The following TRMT9B variants were observed in gnomAD, a reference collection of about 807,000 sequenced individuals.
TRMT9B encodes probable tRNA methyltransferase 9B.
In TRMT9B, 16 loss-of-function variants were observed where a neutral mutation model predicts 11.5. The observed-to-expected ratio is 1.39, with a 90% CI of 0.94 to 2.11. The LOEUF is 2.11. Among genes scored for constraint, TRMT9B ranks in the 30% most tolerant of loss-of-function variants. The pLI is 0.00. For missense variants in TRMT9B, 941 were observed against 553.8 expected (o/e 1.70, Z -7.02); for synonymous variants, 274 against 192.4 (o/e 1.42, Z -3.51).
In TRMT9B at chr8:13,022,289, A is replaced by C. The variant is rs1182429884; in HGVS notation, c.*245A>C. 4.7e-6 allele frequency: 2 copies of C among 426,384 alleles called. No homozygotes were observed. Among genetic ancestry groups the C allele is most frequent in the Admixed American group, 4.1e-5 (1 of 24,114 alleles). The allele number at this position is 426,384 out of a possible 1,614,324, so 26.4% of individuals were successfully genotyped here. ...TATACAAGATCTGAAGAAGCAACAG[A>C]AAGTACCCTTCAGTACACCTCAGAC... On this transcript the variant is annotated 3_prime_UTR_variant, in exon 5 of 5. Coordinates refer to ENST00000524591, the MANE Select transcript of TRMT9B (RefSeq NM_020844.3).
chr8:13,011,784 C>G (rs1277305151), intron 3 of TRMT9B: 1 of 953,332 alleles, frequency 1.0e-6, no homozygotes, highest in Non-Finnish European at 1.2e-6. Context: ...GAGTTGTATA[C>G]TGGACCCATA....
chr8:13,025,576 C>G lies in TRMT9B; in HGVS notation c.*3532C>G, dbSNP rs1034238485. The G allele has an allele frequency of 2.4e-5, 4 of 167,040 alleles. No individual in the cohort carries two copies. Among genetic ancestry groups the G allele is most frequent in the African/African-American group, 9.7e-5 (4 of 41,442 alleles). 10.3% of individuals were successfully genotyped at this position (167,040 alleles called of 1,614,324 possible). ...CTCACTGTCTATTTGAGGAATTCCA[C>G]AGAATCTTCAAAGGATTTGGGGGAA... On this transcript the variant is annotated 3_prime_UTR_variant, in exon 5 of 5. Coordinates refer to ENST00000524591, the MANE Select transcript of TRMT9B (RefSeq NM_020844.3).
At chr8:12,991,289 TA>T (rs1277443985) in intron 2 of TRMT9B, among the ~76,000 whole-genome samples, 2 of 152,228 alleles carry the variant, frequency 1.3e-5, no homozygotes, top group African/African-American at 4.8e-5. Flanking sequence ...AACATATTTT[TA>T]AATGAGATTT....
chr8:13,002,798 G>C (rs576873374), intron 2 of TRMT9B, among the ~76,000 whole-genome samples: 1 of 152,128 alleles, frequency 6.6e-6, no homozygotes, highest in African/African-American at 2.4e-5. Context: ...TCCATACAGG[G>C]AAGACACCGT....
chr8:13,012,276 TAA>T (rs748312519), intron 3 of TRMT9B: 5,514 of 896,040 alleles, frequency 6.2e-3, no homozygotes, highest in Non-Finnish European at 6.6e-3. Flanking sequence ...CTTGGTTAGT[TAA>T]AAAAAAAAAA....
chr8:13,027,134 T>A lies in TRMT9B; in HGVS notation c.*5090T>A, dbSNP rs1814781119. 6.0e-6 allele frequency: 1 copy of A among 167,056 alleles called. No individual in the cohort carries two copies. Among genetic ancestry groups the A allele is most frequent in the Admixed American group, 6.5e-5 (1 of 15,284 alleles). 10.3% of individuals were successfully genotyped at this position (167,056 alleles called of 1,614,324 possible). A position where few individuals can be genotyped will look rare whatever the true frequency, so the allele number is the denominator to read the frequency against. ...TCAGATATTTCATTCACTCCATTTG[T>A]TTACTAAGCCCTGCTGTGTGCTGGA... On this transcript the variant is annotated 3_prime_UTR_variant, in exon 5 of 5. Transcript: ENST00000524591.
chr8:12,974,630 G>C (rs762249531), intron 1 of TRMT9B, among the ~76,000 whole-genome samples: 9 of 152,166 alleles, frequency 5.9e-5, no homozygotes, highest in Non-Finnish European at 1.2e-4. Context: ...GAAGCAAAAC[G>C]TGGCAGTCTG....
In TRMT9B at chr8:12,996,795, C is replaced by T. The variant is rs1029251248; in HGVS notation, c.-2+5764C>T. The stretch of plus-strand genomic sequence containing the variant: ...ATAACCTGAGCGCCCTCATGTAACC[C>T]GAGCCCAGATCAAGAAACAGAACAT... On this transcript the variant is annotated intron_variant, in intron 2 of 4. Coordinates refer to ENST00000524591, the MANE Select transcript of TRMT9B (RefSeq NM_020844.3). Among the ~76,000 whole-genome samples, 12 of 152,064 alleles carry T rather than the reference C, an allele frequency of 7.9e-5. No homozygotes were observed. The South Asian group carries it at 1.0e-3, about 13-fold the overall frequency.
intron 3 of TRMT9B, among the ~76,000 whole-genome samples, chr8:13,010,073 G>A (rs867865835): frequency 2.0e-5 from 3 of 151,826 alleles, no homozygotes; most frequent in Non-Finnish European, 2.9e-5. Flanking sequence ...GGGAGGCAGA[G>A]GTTGCAGTGA....
intron 1 of TRMT9B, chr8:12,952,404 T>A (rs1374993562): frequency 3.2e-6 from 1 of 312,630 alleles, no homozygotes; most frequent in Admixed American, 4.3e-5. Flanking sequence ...CCGGGGTGGC[T>A]GTTTACCTTG....
At chr8:12,962,854 C>A (rs945526680) in intron 1 of TRMT9B, among the ~76,000 whole-genome samples, 2 of 152,122 alleles carry the variant, frequency 1.3e-5, no homozygotes, top group Admixed American at 6.6e-5. Flanking sequence ...AAAAGCAGAA[C>A]CTACTAGAAA....
chr8:12,961,276 T>C (rs1220863367), intron 1 of TRMT9B, among the ~76,000 whole-genome samples: 2 of 152,216 alleles, frequency 1.3e-5, no homozygotes, highest in Non-Finnish European at 1.5e-5. Context: ...TGTTAGTTAA[T>C]AATAAATATC....
At chr8:13,015,992 C>T (rs1392030213) in intron 4 of TRMT9B, among the ~76,000 whole-genome samples, 1 of 151,136 alleles carries the variant, frequency 6.6e-6, no homozygotes, top group Non-Finnish European at 1.5e-5. Context: ...CACCTGAATT[C>T]CCAGCTACTT....
At chr8:12,994,816 G>A (rs1387668473) in intron 2 of TRMT9B, among the ~76,000 whole-genome samples, 1 of 152,084 alleles carries the variant, frequency 6.6e-6, no homozygotes, top group Non-Finnish European at 1.5e-5. Flanking sequence ...TGAGTACCTA[G>A]GATTATAGGC....
chr8:12,957,743 C>A (rs895579276), intron 1 of TRMT9B, among the ~76,000 whole-genome samples: 4 of 152,162 alleles, frequency 2.6e-5, no homozygotes, highest in African/African-American at 9.7e-5. Context: ...TTAACTGCAA[C>A]ATTGATTTTA....
intron 4 of TRMT9B, among the ~76,000 whole-genome samples, chr8:13,013,690 T>G (rs1284587646): frequency 6.6e-6 from 1 of 152,224 alleles, no homozygotes; most frequent in Non-Finnish European, 1.5e-5. Context: ...CAGCGGCTCA[T>G]GCCTGTAATC....
At chr8:13,010,885 A>T in intron 3 of TRMT9B, 3 of 966,050 alleles carry the variant, frequency 3.1e-6, no homozygotes, top group Middle Eastern at 5.3e-4. Context: ...ACTTTTTCTC[A>T]TAATCATTAT....
chr8:12,990,062 C>G (rs935905435), intron 1 of TRMT9B, among the ~76,000 whole-genome samples: 4 of 152,144 alleles, frequency 2.6e-5, no homozygotes, highest in African/African-American at 4.8e-5. Context: ...GTAGAAAACC[C>G]ACACGCACCC....
chr8:13,020,132 C>A (rs1813543821), intron 4 of TRMT9B, among the ~76,000 whole-genome samples: 1 of 152,090 alleles, frequency 6.6e-6, no homozygotes, highest in African/African-American at 2.4e-5. Flanking sequence ...TTAGAGCAAC[C>A]CTCTCAGGCT....
Sources: allele counts gnomAD v4.1 joint callset (sites outside exome capture counted in the v4.1 genomes callset), GRCh38; gene constraint gnomAD v4.1.1; transcripts MANE v1.5; gene names NCBI Gene and HGNC (gene_info 2026-07-23, HGNC 2026-07-21).